The following RIN3 variants were observed in gnomAD, a reference collection of about 807,000 sequenced individuals.
RIN3 encodes RAB5 interacting protein 3.
Under a neutral mutation model 76.3 loss-of-function variants are expected in RIN3, and 54 were observed. That is an observed-to-expected ratio of 0.71 (90% CI 0.57 to 0.89). The LOEUF (loss-of-function observed/expected upper bound fraction) is 0.89. Among genes scored for constraint, RIN3 ranks in the 40% least tolerant of loss-of-function variants. RIN3 has a pLI of 0.00. For synonymous variants in RIN3, 576 were observed against 564.0 expected (o/e 1.02, Z -0.30); for missense variants, 1,256 against 1,322.1 (o/e 0.95, Z 0.78).
chr14:92,663,105 C>A (rs1206746614), intron 7 of RIN3, among the ~76,000 whole-genome samples: 1 of 152,188 alleles, frequency 6.6e-6, no homozygotes, highest in East Asian at 1.9e-4. Context: ...GCCACCACAC[C>A]CAGCCTGACT....
At chr14:92,617,156 T>G (rs925700472) in intron 4 of RIN3, among the ~76,000 whole-genome samples, 4 of 151,972 alleles carry the variant, frequency 2.6e-5, no homozygotes, top group East Asian at 1.9e-4. Flanking sequence ...AAAAATTAGC[T>G]GGGCGTAGTG....
intron 2 of RIN3, among the ~76,000 whole-genome samples, chr14:92,556,601 C>T (rs1447128758): frequency 6.9e-5 from 4 of 57,576 alleles, no homozygotes; most frequent in African/African-American, 2.5e-4. Context: ...GATGGATGGA[C>T]GTATGGACAT....
intron 3 of RIN3, among the ~76,000 whole-genome samples, chr14:92,602,594 G>A (rs1007701491): frequency 6.6e-6 from 1 of 152,128 alleles, no homozygotes; most frequent in Admixed American, 6.5e-5. Flanking sequence ...ACAGAGCCTG[G>A]CACAGTGAGC....
chr14:92,555,914 C>T lies in RIN3; in HGVS notation c.208C>T (p.Gln70Ter). 2 of 1,613,698 alleles carry T rather than the reference C, an allele frequency of 1.2e-6. No individual in the cohort carries two copies. The highest frequency in any genetic ancestry group is 1.7e-6 in the Non-Finnish European group (2 of 1,180,026). Reference sequence around the variant, plus strand: ...GGTGTGGCTGCAGCTGAGTCTGGGCCAGGCAGAGGTGGCCAGGATCCTGCA... The same window carrying T: ...GGTGTGGCTGCAGCTGAGTCTGGGCTAGGCAGAGGTGGCCAGGATCCTGCA... ...CPVWLQLSLGQAEVARILHRV... is the reference protein window; with the variant it reads ...CPVWLQLSLG The change falls in exon 2 of 10, where the codon CAG becomes TAG. Residue 70 changes from glutamine to a stop codon, truncating the protein, a stop_gained. Transcript: ENST00000216487. LOFTEE classifies it high-confidence loss of function.
At chr14:92,684,591 T>C (rs1888782919) in intron 8 of RIN3, among the ~76,000 whole-genome samples, 1 of 152,170 alleles carries the variant, frequency 6.6e-6, no homozygotes, top group Non-Finnish European at 1.5e-5. Context: ...TCAGAGACCG[T>C]GTATATGTGA....
rs756786629 is a variant in RIN3, at chr14:92,514,723, C to T, written c.44+747C>T. 3.3e-5 allele frequency among the ~76,000 whole-genome samples: 5 copies of T among 152,246 alleles called. No homozygotes were observed. Among genetic ancestry groups the T allele is most frequent in the Non-Finnish European group, 7.3e-5 (5 of 68,050 alleles). On this transcript the variant is annotated intron_variant, in intron 1 of 9. Transcript: ENST00000216487. The surrounding 1 kb of genome is among the most constrained non-coding windows in gnomAD (Gnocchi z 7.2). ...CTCCGCCTCCTTGTCGCCCCCAGCC[C>T]CACCTCGCGAGCTCGGGCATTGCTC...
chr14:92,530,830 A>AG (rs758266028), intron 1 of RIN3, among the ~76,000 whole-genome samples: 2 of 152,048 alleles, frequency 1.3e-5, no homozygotes, highest in Non-Finnish European at 2.9e-5. Flanking sequence ...AGCCCCACTG[A>AG]GGGGATGACC....
At chr14:92,525,472 T>G (rs1296780034) in intron 1 of RIN3, among the ~76,000 whole-genome samples, 1 of 151,198 alleles carries the variant, frequency 6.6e-6, no homozygotes, top group African/African-American at 2.4e-5. Flanking sequence ...CAGGGCTCGG[T>G]AAGTGTTTGC....
chr14:92,581,751 G>T (rs1299530728), intron 3 of RIN3, among the ~76,000 whole-genome samples: 1 of 152,152 alleles, frequency 6.6e-6, no homozygotes, highest in African/African-American at 2.4e-5. Flanking sequence ...CTGGATGGTC[G>T]TTAAAGCAGT....
At chr14:92,558,068 C>T (rs1165828535) in intron 2 of RIN3, among the ~76,000 whole-genome samples, 1 of 152,094 alleles carries the variant, frequency 6.6e-6, no homozygotes, top group African/African-American at 2.4e-5. Context: ...AGAAAATTAG[C>T]CTGGGCGCGG....
chr14:92,514,472 C>A lies in RIN3; in HGVS notation c.44+496C>A, dbSNP rs548171377. 1.3e-5 allele frequency among the ~76,000 whole-genome samples: 2 copies of A among 152,346 alleles called. No homozygotes were observed. Among genetic ancestry groups the A allele is most frequent in the African/African-American group, 2.4e-5 (1 of 41,590 alleles). On this transcript the variant is annotated intron_variant, in intron 1 of 9. Coordinates refer to ENST00000216487, the MANE Select transcript of RIN3 (RefSeq NM_024832.5). This position sits in a 1 kb window ranked among gnomAD's most constrained non-coding sequence, Gnocchi z 7.2. ...ACCCGGACCCCCGCAACTTTGGGTG[C>A]CCGCGGCCCAACAGCTGACCGGCCC... is the stretch of plus-strand genomic sequence containing the variant.
chr14:92,657,632 A>C (rs1190308653), intron 6 of RIN3, among the ~76,000 whole-genome samples: 1 of 151,552 alleles, frequency 6.6e-6, no homozygotes, highest in Non-Finnish European at 1.5e-5. Context: ...GGTCATGCAG[A>C]AGCCCAGGAC....
intron 1 of RIN3, among the ~76,000 whole-genome samples, chr14:92,547,020 TA>T (rs1897282989): frequency 6.9e-6 from 1 of 144,526 alleles, no homozygotes; most frequent in Admixed American, 7.0e-5. Context: ...TTATTATTAA[TA>T]TAATTATTAT....
At chr14:92,576,973 T>C (rs1898261952) in intron 2 of RIN3, among the ~76,000 whole-genome samples, 1 of 152,094 alleles carries the variant, frequency 6.6e-6, no homozygotes, top group Admixed American at 6.5e-5. Context: ...CTTTTCTGAG[T>C]GTAGACTCAG....
intron 8 of RIN3, among the ~76,000 whole-genome samples, chr14:92,680,002 G>C (rs2140173637): frequency 6.6e-6 from 1 of 152,146 alleles, no homozygotes; most frequent in Non-Finnish European, 1.5e-5. Context: ...AGTTTGTTTG[G>C]GATGCTTAAT....
Position 92,513,871 on chromosome 14 carries a change from C to G in RIN3, c.-62C>G. The G allele has an allele frequency of 8.2e-7, 1 of 1,217,900 alleles. No homozygotes were observed. The highest frequency in any genetic ancestry group is 1.0e-6 in the Non-Finnish European group (1 of 970,060). The allele number at this position is 1,217,900 out of a possible 1,614,324, so 75.4% of individuals were successfully genotyped here. A position where few individuals can be genotyped will look rare whatever the true frequency, so the allele number is the denominator to read the frequency against. ...CAGGGACATGCGGGCGCCCGGGACT[C>G]CGCGTTCCGCGCGGCCCGGCGCCTG... On this transcript the variant is annotated 5_prime_UTR_variant, in exon 1 of 10. Transcript: ENST00000216487.
At chr14:92,562,155 T>C (rs1322093193) in intron 2 of RIN3, among the ~76,000 whole-genome samples, 1 of 152,232 alleles carries the variant, frequency 6.6e-6, no homozygotes, top group Non-Finnish European at 1.5e-5. Flanking sequence ...AGAATGTTCC[T>C]CCACTAGGAC....
At chr14:92,559,562 A>C (rs140792730) in intron 2 of RIN3, among the ~76,000 whole-genome samples, 3 of 152,234 alleles carry the variant, frequency 2.0e-5, no homozygotes, top group Non-Finnish European at 4.4e-5. Context: ...CCATGCACCA[A>C]TATGAACCGT....
intron 7 of RIN3, among the ~76,000 whole-genome samples, chr14:92,664,127 A>G (rs1887986675): frequency 6.6e-6 from 1 of 152,216 alleles, no homozygotes. Flanking sequence ...CCAAAGGGTC[A>G]AAAGACAAGC....
Sources: gnomAD v4.1 joint callset for allele counts (sites outside exome capture counted in the v4.1 genomes callset) on GRCh38, gnomAD v4.1.1 for gene constraint, Gnocchi (gnomAD v3.1) non-coding constraint, MANE v1.5 for transcripts, NCBI Gene and HGNC (gene_info 2026-07-23, HGNC 2026-07-21) for gene names.